CLHC1: variants seen among roughly 807,000 people sequenced by gnomAD.
The protein encoded by CLHC1 is clathrin heavy chain linker domain-containing protein 1.
Under a neutral mutation model 69.5 loss-of-function variants are expected in CLHC1, and 72 were observed. That is an observed-to-expected ratio of 1.04 (90% CI 0.86 to 1.26). The LOEUF (loss-of-function observed/expected upper bound fraction) is 1.26, where lower values mean the gene tolerates loss of function less well. CLHC1 is among the 50% of genes most tolerant of loss of function. The pLI, the probability that CLHC1 is intolerant of heterozygous loss-of-function variation, is 0.00. For missense variants in CLHC1, 790 were observed against 679.3 expected (o/e 1.16, Z -1.81); for synonymous variants, 223 against 224.3 (o/e 0.99, Z 0.05).
At chr2:55,177,564 C>T in intron 12 of CLHC1, 38 bp downstream of exon 12, 2 of 1,458,702 alleles carry the variant, frequency 1.4e-6, no homozygotes, top group Non-Finnish European at 1.9e-6. Context: ...CCTAGATAAC[C>T]CACTACTATT....
intron 9 of CLHC1, among the ~76,000 whole-genome samples, chr2:55,185,369 C>A (rs1057252220): frequency 2.0e-5 from 3 of 152,112 alleles, no homozygotes; most frequent in African/African-American, 7.2e-5. Flanking sequence ...GATGATACCC[C>A]CTTCCAGGAC....
In CLHC1 at chr2:55,173,818, T is replaced by A. The variant is rs1242388976; in HGVS notation, c.*1972A>T. 1.3e-5 allele frequency among the ~76,000 whole-genome samples: 2 copies of A among 152,198 alleles called. No homozygotes were observed. The highest frequency in any genetic ancestry group is 4.8e-5 in the African/African-American group (2 of 41,428). On this transcript the variant is annotated 3_prime_UTR_variant, in exon 13 of 13. Transcript: ENST00000401408. The stretch of plus-strand genomic sequence containing the variant: ...TCCTTGGGAAAGCTGCCAAAGGCAA[T>A]GCTAACTGAGAAGGAGTAATAATGA...
chr2:55,194,920 T>C (rs1671261041), intron 9 of CLHC1, among the ~76,000 whole-genome samples: 1 of 151,982 alleles, frequency 6.6e-6, no homozygotes, highest in Admixed American at 6.6e-5. Flanking sequence ...GCAACTTTTT[T>C]TTTTCTTTTT....
intron 9 of CLHC1, among the ~76,000 whole-genome samples, chr2:55,205,077 C>A (rs569314447): frequency 2.5e-4 from 38 of 151,950 alleles, no homozygotes; most frequent in Non-Finnish European, 4.7e-4. Context: ...CCATCTTACA[C>A]CAATCAGAAT....
intron 9 of CLHC1, among the ~76,000 whole-genome samples, chr2:55,191,786 A>G (rs1019203498): frequency 6.6e-6 from 1 of 152,104 alleles, no homozygotes; most frequent in Non-Finnish European, 1.5e-5. Flanking sequence ...CAGAAAAAGT[A>G]GAAAAAAGGT....
At position 55,209,415 on chromosome 2, in the gene CLHC1, T is replaced by G; in HGVS notation, c.803A>C (p.Lys268Thr). The G allele has an allele frequency of 6.3e-7, 1 of 1,591,792 alleles. No individual in the cohort carries two copies. The highest frequency in any genetic ancestry group is 8.6e-7 in the Non-Finnish European group (1 of 1,167,038). The stretch of plus-strand genomic sequence containing the variant: ...TATAGATAATCTACCTTGTAAATAT[T>G]TGGTTTTCTGAATTTGCTCCACAAA... ...QDFVEQIQKT[K>T]YLQGDQGIVE... Residue 268 changes from lysine to threonine, a missense_variant, in exon 7 of 13, where the codon AAA becomes ACA. Coordinates refer to ENST00000401408, the MANE Select transcript of CLHC1 (RefSeq NM_152385.4).
At chr2:55,223,625 C>T (rs1298267859) in intron 2 of CLHC1, among the ~76,000 whole-genome samples, 1 of 151,458 alleles carries the variant, frequency 6.6e-6, no homozygotes, top group East Asian at 2.0e-4. Context: ...TCAGACGGCT[C>T]TGGGGCGAGG....
At position 55,188,628 on chromosome 2, in the gene CLHC1, C is replaced by T. The variant is rs138439748; in HGVS notation, c.1007-6884G>A. On this transcript the variant is annotated intron_variant, in intron 9 of 12. Transcript: ENST00000401408. Reference sequence around the variant, plus strand: ...TATCCCAGAGAAGTTTACATACATGCACCAGGATATATTTTCATAGCAAAA... The same window carrying T: ...TATCCCAGAGAAGTTTACATACATGTACCAGGATATATTTTCATAGCAAAA... Among the ~76,000 whole-genome samples the T allele has an allele frequency of 3.2e-3, 486 of 152,096 alleles. 4 individuals are homozygous for T. Among genetic ancestry groups the T allele is most frequent in the Non-Finnish European group, 5.6e-3 (382 of 67,992 alleles).
intron 7 of CLHC1, among the ~76,000 whole-genome samples, 155 bp from the exon 8 acceptor site, chr2:55,208,865 C>CCTTTTTTT (rs1553353361): frequency 1.1e-5 from 1 of 90,820 alleles, no homozygotes; most frequent in Non-Finnish European, 2.2e-5. Context: ...TCCCTTTCCT[C>CCTTTTTTT]TTTTTTTTTT....
At chr2:55,184,493 T>C (rs1006871266) in intron 9 of CLHC1, among the ~76,000 whole-genome samples, 12 of 152,180 alleles carry the variant, frequency 7.9e-5, no homozygotes, top group South Asian at 2.1e-4. Flanking sequence ...ATAGTAAAGA[T>C]AACATTGAAA....
chr2:55,196,044 T>C (rs1671382749), intron 9 of CLHC1, among the ~76,000 whole-genome samples: 1 of 152,022 alleles, frequency 6.6e-6, no homozygotes, highest in Non-Finnish European at 1.5e-5. Flanking sequence ...AGTGCAGTGA[T>C]TGTAGGACTT....
chr2:55,178,153 A>T (rs111479054), intron 11 of CLHC1, among the ~76,000 whole-genome samples: 11 of 152,344 alleles, frequency 7.2e-5, no homozygotes, highest in African/African-American at 2.6e-4. Flanking sequence ...AAAGTGTAGT[A>T]TTAGAGGTCT....
chr2:55,210,763 C>G (rs533782483), intron 5 of CLHC1, among the ~76,000 whole-genome samples: 1 of 152,200 alleles, frequency 6.6e-6, no homozygotes, highest in African/African-American at 2.4e-5. Context: ...AATATAAATG[C>G]CTGCCAAATC....
Position 55,175,733 on chromosome 2 carries a change from C to T in CLHC1, c.*57G>A. 7.9e-7 allele frequency: 1 copy of T among 1,260,666 alleles called. No homozygotes were observed. Among genetic ancestry groups the T allele is most frequent in the Non-Finnish European group, 1.1e-6 (1 of 898,308 alleles). The allele number at this position is 1,260,666 out of a possible 1,614,324, so 78.1% of individuals were successfully genotyped here. A position where few individuals can be genotyped will look rare whatever the true frequency, so the allele number is the denominator to read the frequency against. On this transcript the variant is annotated 3_prime_UTR_variant, in exon 13 of 13. Coordinates refer to ENST00000401408, the MANE Select transcript of CLHC1 (RefSeq NM_152385.4). ...GTTAGTTACGTTAAAATCAGTTTTT[C>T]CCAACCAGCATACATAAGGTGTTGT...
intron 9 of CLHC1, among the ~76,000 whole-genome samples, chr2:55,188,960 C>A (rs1670672542): frequency 6.6e-6 from 1 of 152,088 alleles, no homozygotes; most frequent in Non-Finnish European, 1.5e-5. Context: ...ATATAAAAGA[C>A]ATATTTTTAT....
intron 1 of CLHC1, among the ~76,000 whole-genome samples, chr2:55,229,204 T>C (rs2104159420): frequency 6.8e-6 from 1 of 147,866 alleles, no homozygotes. Flanking sequence ...AGAAATATAG[T>C]ATGACAGATA....
At chr2:55,184,765 T>G (rs1047154425) in intron 9 of CLHC1, among the ~76,000 whole-genome samples, 1 of 151,334 alleles carries the variant, frequency 6.6e-6, no homozygotes, top group Non-Finnish European at 1.5e-5. Context: ...ATTAGCCAGG[T>G]GTGGTGGCAC....
At chr2:55,179,882 C>T (rs977313277) in intron 11 of CLHC1, among the ~76,000 whole-genome samples, 4 of 152,146 alleles carry the variant, frequency 2.6e-5, no homozygotes, top group Admixed American at 6.5e-5. Context: ...AGGCTGGGTG[C>T]GGTGGCTCAC....
rs778858364 is a variant in CLHC1 at position 55,181,709 on chromosome 2, G to A, written c.1042C>T (p.Leu348Phe). The A allele has an allele frequency of 1.2e-6, 2 of 1,613,548 alleles. No individual in the cohort carries two copies. The highest frequency in any genetic ancestry group is 4.5e-5 in the East Asian group (2 of 44,800). ...ATAAAGAGGGCCTCAAAAAATAAGA[G>A]TAATGGAAGAGGCTTTCCTCTAATT... is the stretch of plus-strand genomic sequence containing the variant. ...GKIRGKPLPL[L>F]LFFEALFITS... Residue 348 changes from leucine to phenylalanine, a missense_variant, in exon 10 of 13, where the codon CTC becomes TTC. Leu to Phe is a conservative substitution (Grantham distance 22). Transcript: ENST00000401408.
Sources: allele counts gnomAD v4.1 joint callset (sites outside exome capture counted in the v4.1 genomes callset), GRCh38; gene constraint gnomAD v4.1.1; transcripts MANE v1.5; gene names NCBI Gene and HGNC (gene_info 2026-07-23, HGNC 2026-07-21).